PTPRA: variants seen among roughly 807,000 people sequenced by gnomAD.
PTPRA encodes the protein receptor-type tyrosine-protein phosphatase alpha.
A neutral mutation model predicts 104.8 loss-of-function variants in PTPRA; 25 were observed. The ratio of observed to expected loss-of-function variants is 0.24; its 90% CI spans 0.17 to 0.33. The LOEUF (loss-of-function observed/expected upper bound fraction) is 0.33, where lower values mean the gene tolerates loss of function less well. Ranked by LOEUF, PTPRA falls within the 10% of genes least tolerant of loss-of-function variation. The probability of loss-of-function intolerance (pLI) is 1.00; values close to 1 mark genes in which losing one functional copy is unlikely to be tolerated. For synonymous variants in PTPRA, 323 were observed against 368.9 expected, an observed-to-expected ratio of 0.88 and a Z score of 1.43; for missense variants, 765 against 1,015.3, an observed-to-expected ratio of 0.75 and a Z score of 3.35.
intron 1 of PTPRA, among the ~76,000 whole-genome samples, chr20:2,876,516 A>G (rs1243241920): frequency 2.0e-5 from 3 of 152,194 alleles, no homozygotes. Context: ...ATCAACATAT[A>G]TAGAGAGTTA....
At chr20:2,900,003 G>A (rs565843013) in intron 1 of PTPRA, among the ~76,000 whole-genome samples, 1 of 152,080 alleles carries the variant, frequency 6.6e-6, no homozygotes, top group African/African-American at 2.4e-5. Context: ...TCAGCTACTC[G>A]GGAGGCTGAG....
chr20:2,867,786 G>A, the PTPRA span, among the ~76,000 whole-genome samples: 2 of 152,222 alleles, frequency 1.3e-5, no homozygotes, highest in East Asian at 1.9e-4. Flanking sequence ...CCCTAGGGCC[G>A]ACCATGCTTT....
intron 2 of PTPRA, among the ~76,000 whole-genome samples, chr20:2,940,151 G>A (rs1411340476): frequency 1.3e-5 from 2 of 152,040 alleles, no homozygotes; most frequent in African/African-American, 2.4e-5. Context: ...GGGAGGAATA[G>A]GGTGGAATAT....
At chr20:2,990,593 A>G (rs759931209) in intron 9 of PTPRA, among the ~76,000 whole-genome samples, 11 of 152,176 alleles carry the variant, frequency 7.2e-5, no homozygotes, top group Non-Finnish European at 1.5e-4. Flanking sequence ...TTAGCTGAGC[A>G]TAGTGGTACA....
At chr20:2,927,196 C>T (rs144932437) in intron 2 of PTPRA, among the ~76,000 whole-genome samples, 695 of 152,192 alleles carry the variant, frequency 4.6e-3, no homozygotes, top group Non-Finnish European at 7.1e-3. Flanking sequence ...TCGTGAGTGC[C>T]GCGCCCACTT....
At chr20:2,987,933 C>G in intron 7 of PTPRA, 99 bp from the exon 8 acceptor site, 1 of 1,159,354 alleles carries the variant, frequency 8.6e-7, no homozygotes, top group East Asian at 2.3e-5. Flanking sequence ...TTTTTAAAGG[C>G]GATTTAGAAA....
intron 20 of PTPRA, 55 bp downstream of exon 20, chr20:3,027,896 T>C (rs1376262425): frequency 4.4e-6 from 7 of 1,602,372 alleles, no homozygotes; most frequent in South Asian, 1.1e-5. Context: ...AAAAGATGTG[T>C]GTGTAAATGG....
intron 2 of PTPRA, among the ~76,000 whole-genome samples, chr20:2,926,366 A>G (rs2060294996): frequency 6.6e-6 from 1 of 152,168 alleles, no homozygotes; most frequent in African/African-American, 2.4e-5. Flanking sequence ...TGGTAGCCTC[A>G]GGCATCCCTT....
intron 3 of PTPRA, among the ~76,000 whole-genome samples, chr20:2,953,542 T>C (rs1056595749): frequency 2.6e-5 from 4 of 151,968 alleles, no homozygotes; most frequent in African/African-American, 7.2e-5. Context: ...CGTGAGCCAC[T>C]ATGCCTGGCC....
chr20:2,914,335 G>T (rs1490548370), intron 1 of PTPRA, among the ~76,000 whole-genome samples: 1 of 152,118 alleles, frequency 6.6e-6, no homozygotes. Flanking sequence ...TTCCACTGAG[G>T]TGTCACTGCT....
intron 2 of PTPRA, among the ~76,000 whole-genome samples, chr20:2,935,089 ATC>A (rs2060643677): frequency 1.3e-5 from 2 of 152,192 alleles, no homozygotes; most frequent in Admixed American, 6.5e-5. Flanking sequence ...TGTACAATAG[ATC>A]TCTTGAACTT....
chr20:2,926,769 C>CTTTTTTTTTTTTT (rs777386962), intron 2 of PTPRA, among the ~76,000 whole-genome samples: 4 of 85,020 alleles, frequency 4.7e-5, no homozygotes, highest in Non-Finnish European at 6.3e-5. Context: ...TTTCCTTTTC[C>CTTTTTTTTTTTTT]TTTTTTTTTT....
At chr20:2,868,864 G>A (rs1038944611), upstream of PTPRA, among the ~76,000 whole-genome samples, 2 of 151,918 alleles carry the variant, frequency 1.3e-5, no homozygotes, top group African/African-American at 4.8e-5. Context: ...TTTACTCATA[G>A]GCTATGTAAA....
chr20:2,944,350 G>C (rs2061046875), intron 2 of PTPRA, among the ~76,000 whole-genome samples: 1 of 152,016 alleles, frequency 6.6e-6, no homozygotes, highest in Non-Finnish European at 1.5e-5. Context: ...CCCCTCTGCT[G>C]GTCTTGATTG....
intron 20 of PTPRA, among the ~76,000 whole-genome samples, chr20:3,030,327 C>T (rs2065372912): frequency 6.6e-6 from 1 of 152,162 alleles, no homozygotes; most frequent in South Asian, 2.1e-4. Flanking sequence ...CTGCCTTCCA[C>T]TGTAGCTTAT....
chr20:2,906,549 A>T (rs1419525261), intron 1 of PTPRA, among the ~76,000 whole-genome samples: 1 of 152,216 alleles, frequency 6.6e-6, no homozygotes, highest in Middle Eastern at 3.2e-3. Context: ...TTAAATTCAA[A>T]ATAATAAACA....
At chr20:2,864,961 C>T in the PTPRA span, 1 of 1,614,150 alleles carries the variant, frequency 6.2e-7, no homozygotes, top group Non-Finnish European at 8.5e-7. The surrounding 1 kb of genome is among the most constrained non-coding windows in gnomAD (Gnocchi z 5.2). Context: ...TTCAGGCCTT[C>T]CTTCTTGTCT....
chr20:2,909,605 G>A (rs1470536313), intron 1 of PTPRA, among the ~76,000 whole-genome samples: 4 of 150,986 alleles, frequency 2.6e-5, no homozygotes, highest in Non-Finnish European at 4.4e-5. Flanking sequence ...CAAAACAAAC[G>A]AAAACTACAA....
At chr20:2,907,025 C>A (rs569997554) in intron 1 of PTPRA, among the ~76,000 whole-genome samples, 2 of 152,262 alleles carry the variant, frequency 1.3e-5, no homozygotes, top group Admixed American at 6.5e-5. Flanking sequence ...ACTATATCCA[C>A]TGCAAATTTG....
Sources: gnomAD v4.1 joint callset for allele counts (sites outside exome capture counted in the v4.1 genomes callset) on GRCh38, gnomAD v4.1.1 for gene constraint, Gnocchi (gnomAD v3.1) non-coding constraint, MANE v1.5 for transcripts, NCBI Gene and HGNC (gene_info 2026-07-23, HGNC 2026-07-21) for gene names.